Variants in NKAIN2 observed in about 807,000 individuals in gnomAD.
NKAIN2 encodes sodium/potassium transporting ATPase interacting 2.
NKAIN2 carries 14 observed loss-of-function variants against 32.6 expected under a neutral mutation model. That is an observed-to-expected ratio of 0.43 (90% confidence interval 0.28 to 0.67). NKAIN2 has a LOEUF of 0.67. NKAIN2 is among the 30% of genes least tolerant of loss of function. The pLI, the probability that NKAIN2 is intolerant of heterozygous loss-of-function variation, is 0.17. For missense variants in NKAIN2, 198 were observed against 258.3 expected, an observed-to-expected ratio of 0.77 and a Z score of 1.60; for synonymous variants, 80 against 87.2, an observed-to-expected ratio of 0.92 and a Z score of 0.46.
chr6:124,437,666 T>C (rs1775507392), intron 3 of NKAIN2, among the ~76,000 whole-genome samples: 2 of 152,124 alleles, frequency 1.3e-5, no homozygotes, highest in Admixed American at 1.3e-4. Context: ...CACAGTCTAA[T>C]CCTAGAAACT....
chr6:124,083,550 A>G (rs1784066153), intron 1 of NKAIN2, among the ~76,000 whole-genome samples: 1 of 151,880 alleles, frequency 6.6e-6, no homozygotes, highest in East Asian at 1.9e-4. Context: ...TTTCATCAAT[A>G]TATACTCTTT....
At chr6:123,891,369 T>C (rs1291930738) in intron 1 of NKAIN2, among the ~76,000 whole-genome samples, 3 of 152,292 alleles carry the variant, frequency 2.0e-5, no homozygotes, top group Non-Finnish European at 2.9e-5. Context: ...CAAAAAGCAA[T>C]GTAGAGCCAA....
chr6:124,415,878 CTTTT>C, intron 3 of NKAIN2, among the ~76,000 whole-genome samples: 13 of 72,590 alleles, frequency 1.8e-4, no homozygotes, highest in Non-Finnish European at 3.1e-4. Context: ...TTTTTATTTG[CTTTT>C]TTTTTTTTTT....
At chr6:124,210,779 T>C (rs1467073020) in intron 1 of NKAIN2, among the ~76,000 whole-genome samples, 1 of 151,860 alleles carries the variant, frequency 6.6e-6, no homozygotes, top group African/African-American at 2.4e-5. Flanking sequence ...GCTACTGATT[T>C]TTGAATGTTG....
intron 2 of NKAIN2, among the ~76,000 whole-genome samples, chr6:124,353,737 A>G (rs796347734): frequency 5.6e-4 from 84 of 150,808 alleles, no homozygotes; most frequent in African/African-American, 2.0e-3. Context: ...CCTGGGCGAC[A>G]GAGCGAGACT....
chr6:124,185,950 T>C (rs964665164), intron 1 of NKAIN2, among the ~76,000 whole-genome samples: 4 of 151,976 alleles, frequency 2.6e-5, no homozygotes, highest in African/African-American at 9.7e-5. Context: ...TATATTATTA[T>C]ATAAAGCATT....
At chr6:124,307,846 A>G (rs879414776) in intron 2 of NKAIN2, among the ~76,000 whole-genome samples, 2 of 152,204 alleles carry the variant, frequency 1.3e-5, no homozygotes, top group East Asian at 1.9e-4. Context: ...TTTATTTGGA[A>G]CTAAATATAT....
At chr6:124,646,057 A>C (rs781130279) in intron 3 of NKAIN2, among the ~76,000 whole-genome samples, 2 of 152,210 alleles carry the variant, frequency 1.3e-5, no homozygotes, top group African/African-American at 2.4e-5. Flanking sequence ...CCTCCATTAC[A>C]AAATAAACAT....
At chr6:124,368,132 A>G (rs560699908) in intron 3 of NKAIN2, among the ~76,000 whole-genome samples, 6 of 152,102 alleles carry the variant, frequency 3.9e-5, no homozygotes, top group Admixed American at 6.6e-5. Context: ...ATGTATCCAG[A>G]CATCCTCTAG....
chr6:124,808,917 C>A (rs1291633563), intron 5 of NKAIN2, among the ~76,000 whole-genome samples: 2 of 151,980 alleles, frequency 1.3e-5, no homozygotes, highest in Non-Finnish European at 2.9e-5. Flanking sequence ...TGGGAATCTA[C>A]CTTACAAGGG....
chr6:124,751,148 C>T (rs930692565), intron 4 of NKAIN2, among the ~76,000 whole-genome samples: 4 of 151,994 alleles, frequency 2.6e-5, no homozygotes, highest in Admixed American at 1.3e-4. Context: ...AGTTTTACAA[C>T]TTGGAGCAAG....
At chr6:124,806,830 G>A (rs897211429) in intron 5 of NKAIN2, among the ~76,000 whole-genome samples, 2 of 147,912 alleles carry the variant, frequency 1.4e-5, no homozygotes, top group East Asian at 1.9e-4. Context: ...AAAGGCAGGG[G>A]TTGCAATCCT....
intron 5 of NKAIN2, among the ~76,000 whole-genome samples, chr6:124,815,345 C>T (rs1781115161): frequency 6.6e-6 from 1 of 151,170 alleles, no homozygotes; most frequent in South Asian, 2.1e-4. Context: ...ATGATCTCTG[C>T]TCATTGAAAC....
At chr6:124,164,905 C>G (rs1203689275) in intron 1 of NKAIN2, among the ~76,000 whole-genome samples, 1 of 152,024 alleles carries the variant, frequency 6.6e-6, no homozygotes, top group Non-Finnish European at 1.5e-5. Context: ...GGGGTTAGAA[C>G]AAATCATGGT....
Position 123,864,757 on chromosome 6 carries a change from C to T in NKAIN2, c.54+60503C>T, listed in dbSNP as rs1775918047. On this transcript the variant is annotated intron_variant, in intron 1 of 6. Coordinates refer to ENST00000368417, the MANE Select transcript of NKAIN2 (RefSeq NM_001040214.3). ...TTAAAATATATTAAGAATAAAAATT[C>T]AATAAATTGAGTGTAATCACTATTC... 2.0e-5 allele frequency among the ~76,000 whole-genome samples: 3 copies of T among 152,174 alleles called. No individual in the cohort carries two copies. In the South Asian group the frequency reaches 6.2e-4, roughly 32 times the overall value.
At chr6:124,776,619 G>A (rs184886468) in intron 4 of NKAIN2, among the ~76,000 whole-genome samples, 17 of 152,200 alleles carry the variant, frequency 1.1e-4, no homozygotes, top group East Asian at 3.9e-4. Context: ...AGGGTTGTGC[G>A]TTTTATTTCT....
intron 4 of NKAIN2, among the ~76,000 whole-genome samples, chr6:124,697,248 C>A (rs761517909): frequency 1.3e-5 from 2 of 152,012 alleles, no homozygotes; most frequent in Non-Finnish European, 2.9e-5. Context: ...ATGAATATGA[C>A]AACAGTAGTG....
intron 1 of NKAIN2, among the ~76,000 whole-genome samples, chr6:123,922,841 A>G (rs1775817729): frequency 6.6e-6 from 1 of 152,226 alleles, no homozygotes; most frequent in Non-Finnish European, 1.5e-5. Context: ...GAAAGATAAA[A>G]CATAATTTAC....
intron 1 of NKAIN2, among the ~76,000 whole-genome samples, chr6:124,081,654 T>A (rs1783972588): frequency 6.6e-6 from 1 of 152,028 alleles, no homozygotes; most frequent in Non-Finnish European, 1.5e-5. Flanking sequence ...TCTAGCAGAG[T>A]CATGAAATAG....
Sources: allele counts gnomAD v4.1 joint callset (sites outside exome capture counted in the v4.1 genomes callset), GRCh38; gene constraint gnomAD v4.1.1; transcripts MANE v1.5; gene names NCBI Gene and HGNC (gene_info 2026-07-23, HGNC 2026-07-21).